Variants in IQCH observed in about 807,000 individuals in gnomAD.
IQCH encodes the protein IQ domain-containing protein H.
Under a neutral mutation model 117.0 loss-of-function variants are expected in IQCH, and 98 were observed. That is an observed-to-expected ratio of 0.84 (90% CI 0.71 to 0.99). The LOEUF (loss-of-function observed/expected upper bound fraction) is 0.99, where lower values mean the gene tolerates loss of function less well. Ranked by LOEUF, IQCH falls within the 50% of genes least tolerant of loss-of-function variation. IQCH has a pLI of 0.00. For missense variants in IQCH, 1,102 were observed against 1,243.8 expected (o/e 0.89, Z 1.72); for synonymous variants, 412 against 448.2 (o/e 0.92, Z 1.02).
intron 4 of IQCH, among the ~76,000 whole-genome samples, chr15:67,309,826 T>C (rs1967496267): frequency 6.6e-6 from 1 of 151,198 alleles, no homozygotes; most frequent in African/African-American, 2.4e-5. Flanking sequence ...CTATCTGCTA[T>C]TTTGCAGTTA....
chr15:67,395,466 C>T lies in IQCH; in HGVS notation c.1808C>T (p.Ala603Val), dbSNP rs1329400306. 4.3e-6 allele frequency: 7 copies of T among 1,614,102 alleles called. No homozygotes were observed. The Admixed American group carries it at 5.0e-5, about 12-fold the overall frequency. The change falls in exon 13 of 21, where the codon GCT becomes GTT. Residue 603 changes from alanine to valine, a missense_variant. Physicochemically the swap from Ala to Val is moderately conservative, Grantham distance 64 (BLOSUM62 0). Coordinates refer to ENST00000335894, the MANE Select transcript of IQCH (RefSeq NM_001031715.3). This position sits in a 1 kb window ranked among gnomAD's most constrained non-coding sequence, Gnocchi z 4.0. ...IPILGSEPEL[A>V]HLYSTKSGGK... ...ATCCTGGGCTCTGAGCCTGAACTAG[C>T]TCATCTTTATAGTACCAAATCTGGA...
rs1041583585 is a variant in IQCH, at chr15:67,406,614, A to T, written c.2097+6309A>T. 1 of 152,340 alleles carries T rather than the reference A, an allele frequency of 6.6e-6. No individual in the cohort carries two copies. The highest frequency in any genetic ancestry group is 2.4e-5 in the African/African-American group (1 of 41,588). 9.4% of individuals were successfully genotyped at this position (152,340 alleles called of 1,614,324 possible). A position where few individuals can be genotyped will look rare whatever the true frequency, so the allele number is the denominator to read the frequency against. On this transcript the variant is annotated intron_variant, in intron 14 of 20. Transcript: ENST00000335894. This position sits in a 1 kb window ranked among gnomAD's most constrained non-coding sequence, Gnocchi z 4.5. ...TTTTAGTCTCCTATTCCAGGTTGAC[A>T]TAGTAAACTGCCTTTTAAGCAGAAT... is the stretch of plus-strand genomic sequence containing the variant.
Position 67,372,264 on chromosome 15 carries a change from GA to G in IQCH, c.909del (p.Glu303AspfsTer17). ...LAWGGIFSLLEHVEKFLRNYA... is the reference protein window; with the variant it reads ...LAWGGIFSLLXHVEKFLRNYA... Reference sequence around the variant, plus strand: ...TTGGGGAGGTATTTTTTCTCTCTTGGAACACGTCGAGAAGTTTCTCAGGAAC... The same window carrying G: ...TTGGGGAGGTATTTTTTCTCTCTTGGACACGTCGAGAAGTTTCTCAGGAAC... On this transcript the variant is annotated frameshift_variant, in exon 9 of 21. Coordinates refer to ENST00000335894, the MANE Select transcript of IQCH (RefSeq NM_001031715.3). LOFTEE classifies it high-confidence loss of function. The G allele has an allele frequency of 6.2e-7, 1 of 1,613,936 alleles. No individual in the cohort carries two copies. Among genetic ancestry groups the G allele is most frequent in the Non-Finnish European group, 8.5e-7 (1 of 1,179,978 alleles).
At position 67,464,039 on chromosome 15, in the gene IQCH, C is replaced by T. The variant is rs113453865; in HGVS notation, c.2506-1088C>T. On this transcript the variant is annotated intron_variant, in intron 16 of 20. Transcript: ENST00000335894. Reference sequence around the variant, plus strand: ...TGTATTTTTAGTAGAGATGACATTTCGCCATGTTGGCCAGGCTGGTCTCAG... The same window carrying T: ...TGTATTTTTAGTAGAGATGACATTTTGCCATGTTGGCCAGGCTGGTCTCAG... Among the ~76,000 whole-genome samples, 450 of 152,274 alleles carry T rather than the reference C, an allele frequency of 3.0e-3. 3 individuals carry two copies. Among genetic ancestry groups the T allele is most frequent in the African/African-American group, 0.011 (441 of 41,556 alleles).
Position 67,416,950 on chromosome 15 carries a change from T to A in IQCH, c.2117T>A (p.Ile706Asn), listed in dbSNP as rs750985577. ...KWAQEPALVK[I>N]SEELAGILAQ... is the part of the protein sequence containing the mutation. ...CTGCAGGAGCCAGCTTTGGTGAAGATCTCTGAGGAGCTGGCGGGCATTTTA... is the reference window on the plus strand; with the variant it reads ...CTGCAGGAGCCAGCTTTGGTGAAGAACTCTGAGGAGCTGGCGGGCATTTTA... Residue 706 changes from isoleucine (I) to asparagine (N), a missense_variant, in exon 15 of 21, where the codon ATC becomes AAC. Coordinates refer to ENST00000335894, the MANE Select transcript of IQCH (RefSeq NM_001031715.3). The surrounding 1 kb of genome is among the most constrained non-coding windows in gnomAD (Gnocchi z 5.1). 1.2e-6 allele frequency: 2 copies of A among 1,605,558 alleles called. No homozygotes were observed. Among genetic ancestry groups the A allele is most frequent in the Non-Finnish European group, 8.5e-7 (1 of 1,176,536 alleles).
At chr15:67,305,205 A>G (rs1967237966) in intron 4 of IQCH, among the ~76,000 whole-genome samples, 1 of 152,120 alleles carries the variant, frequency 6.6e-6, no homozygotes, top group Non-Finnish European at 1.5e-5. Flanking sequence ...TCTTAAATGT[A>G]TGCCTTGGTG....
rs1229718568 is a variant in IQCH at position 67,457,638 on chromosome 15, G to T, written c.2506-7489G>T. Among the ~76,000 whole-genome samples, 1 of 152,136 alleles carries T rather than the reference G, an allele frequency of 6.6e-6. No homozygotes were observed. Among genetic ancestry groups the T allele is most frequent in the African/African-American group, 2.4e-5 (1 of 41,420 alleles). On this transcript the variant is annotated intron_variant, in intron 16 of 20. Transcript: ENST00000335894. The surrounding 1 kb of genome is among the most constrained non-coding windows in gnomAD (Gnocchi z 5.7). ...ATAGTCTCACACACTATCTCATTTA[G>T]CCACTGAATCCACACATATCCCTCA...
At position 67,395,188 on chromosome 15, in the gene IQCH, G is replaced by A. The variant is rs1260237606; in HGVS notation, c.1633-103G>A. 1 of 1,256,844 alleles carries A rather than the reference G, an allele frequency of 8.0e-7. No homozygotes were observed. Among genetic ancestry groups the A allele is most frequent in the Non-Finnish European group, 1.1e-6 (1 of 907,742 alleles). 77.9% of individuals were successfully genotyped at this position (1,256,844 alleles called of 1,614,324 possible). A position where few individuals can be genotyped will look rare whatever the true frequency, so the allele number is the denominator to read the frequency against. ...AAACAACAGGATAGGTCATAACCCA[G>A]CCTGCTATTAATAATGTATTTATTA... On this transcript the variant is annotated intron_variant, in intron 12 of 20. Transcript: ENST00000335894. This position sits in a 1 kb window ranked among gnomAD's most constrained non-coding sequence, Gnocchi z 4.0.
chr15:67,331,969 G>T (rs1487186185), intron 4 of IQCH, among the ~76,000 whole-genome samples: 6 of 152,158 alleles, frequency 3.9e-5, no homozygotes, highest in Non-Finnish European at 8.8e-5. Context: ...GCTGGGAAAT[G>T]TATTCTGTAA....
At chr15:67,462,570 T>C (rs934685220) in intron 16 of IQCH, among the ~76,000 whole-genome samples, 27 of 152,148 alleles carry the variant, frequency 1.8e-4, no homozygotes, top group African/African-American at 5.6e-4. Flanking sequence ...GATACTGAGA[T>C]TGAGAAAGCT....
At chr15:67,321,418 T>TCTTC (rs758570645) in intron 4 of IQCH, among the ~76,000 whole-genome samples, 17 of 152,052 alleles carry the variant, frequency 1.1e-4, no homozygotes, top group African/African-American at 3.4e-4. Flanking sequence ...GTATGCCTTT[T>TCTTC]CTTCCTTCCT....
At chr15:67,335,207 G>C (rs996477339) in intron 4 of IQCH, among the ~76,000 whole-genome samples, 1 of 152,208 alleles carries the variant, frequency 6.6e-6, no homozygotes, top group African/African-American at 2.4e-5. Context: ...GCCTGACAGA[G>C]TCTGAACATC....
intron 6 of IQCH, among the ~76,000 whole-genome samples, chr15:67,352,938 G>C (rs1596242130): frequency 6.6e-6 from 1 of 152,230 alleles, no homozygotes; most frequent in East Asian, 1.9e-4. Context: ...ACGAGGTCAA[G>C]TGTTCAAGAC....
chr15:67,488,819 C>G (rs938066032), intron 18 of IQCH, among the ~76,000 whole-genome samples: 1 of 152,148 alleles, frequency 6.6e-6, no homozygotes, highest in African/African-American at 2.4e-5. Context: ...CACCGCTGAT[C>G]TGACAGGAGA....
At chr15:67,464,553 T>A (rs1038312702) in intron 16 of IQCH, among the ~76,000 whole-genome samples, 6 of 152,202 alleles carry the variant, frequency 3.9e-5, no homozygotes, top group Non-Finnish European at 5.9e-5. Context: ...TACTGTGACA[T>A]TGTAGGACTG....
At chr15:67,282,081 C>A in intron 4 of IQCH, 1 of 163,156 alleles carries the variant, frequency 6.1e-6, no homozygotes, top group South Asian at 1.6e-4. Context: ...TGGGGAAAGA[C>A]AGACCATCAA....
At chr15:67,451,805 T>C (rs1030418648) in intron 16 of IQCH, among the ~76,000 whole-genome samples, 4 of 152,174 alleles carry the variant, frequency 2.6e-5, no homozygotes, top group East Asian at 1.9e-4. Flanking sequence ...CGTCGATCTG[T>C]CTAATGTTGA....
intron 10 of IQCH, among the ~76,000 whole-genome samples, chr15:67,383,809 ATTC>A (rs914916472): frequency 2.0e-5 from 3 of 152,140 alleles, no homozygotes; most frequent in Non-Finnish European, 2.9e-5. Flanking sequence ...TCTCTCTTTA[ATTC>A]TTAAGTCCAG....
chr15:67,359,554 C>A lies in IQCH; in HGVS notation c.715-293C>A, dbSNP rs1970044929. On this transcript the variant is annotated intron_variant, in intron 7 of 20. Coordinates refer to ENST00000335894, the MANE Select transcript of IQCH (RefSeq NM_001031715.3). This position sits in a 1 kb window ranked among gnomAD's most constrained non-coding sequence, Gnocchi z 4.5. The stretch of plus-strand genomic sequence containing the variant: ...GACACCACCACAAAGCAGTGTGGTG[C>A]CACGCTAGTGTCCCCTAGAAGTGGG... 6.6e-6 allele frequency among the ~76,000 whole-genome samples: 1 copy of A among 152,232 alleles called. No individual in the cohort carries two copies. Among genetic ancestry groups the A allele is most frequent in the Non-Finnish European group, 1.5e-5 (1 of 68,032 alleles).
Sources: gnomAD v4.1 joint callset for allele counts (sites outside exome capture counted in the v4.1 genomes callset) on GRCh38, gnomAD v4.1.1 for gene constraint, Gnocchi (gnomAD v3.1) non-coding constraint, MANE v1.5 for transcripts, NCBI Gene and HGNC (gene_info 2026-07-23, HGNC 2026-07-21) for gene names.